WNK3: variants seen among roughly 807,000 people sequenced by gnomAD.
The protein encoded by WNK3 is WNK lysine deficient protein kinase 3, also known as serine/threonine-protein kinase WNK3.
WNK3 carries 18 observed loss-of-function variants against 116.7 expected under a neutral mutation model. The observed-to-expected ratio is 0.15, with a 90% CI of 0.11 to 0.23. The LOEUF is 0.23. WNK3 is among the 10% of genes least tolerant of loss of function. The pLI is 1.00. For missense variants in WNK3, 993 were observed against 1,323.8 expected, an observed-to-expected ratio of 0.75 and a Z score of 3.88; for synonymous variants, 404 against 469.4, an observed-to-expected ratio of 0.86 and a Z score of 1.80.
chrX:54,279,545 CAGA>C (rs1417076758), intron 10 of WNK3, among the ~76,000 whole-genome samples: 1 of 111,280 alleles, frequency 9.0e-6, no homozygotes, highest in Admixed American at 9.6e-5. Context: ...GCCTGGGCTA[CAGA>C]AGGACATCCT....
In WNK3 at chrX:54,213,015, C is replaced by G. The variant is rs138931190; in HGVS notation, c.4871-10822G>C. On this transcript the variant is annotated intron_variant, in intron 22 of 23. Coordinates refer to ENST00000354646, the Ensembl canonical transcript of WNK3. Reference sequence around the variant, plus strand: ...TGTGAAAAAGGGTCTCACTCCGTCACCCAGGATGGAGTGCAGTGGTGCAAT... The same window carrying G: ...TGTGAAAAAGGGTCTCACTCCGTCAGCCAGGATGGAGTGCAGTGGTGCAAT... Among the ~76,000 whole-genome samples the G allele has an allele frequency of 6.7e-3, 745 of 110,659 alleles. 5 individuals carry two copies. The highest frequency in any genetic ancestry group is 0.014 in the Middle Eastern group (3 of 216).
intron 18 of WNK3, 41 bp from the exon 19 acceptor site, chrX:54,238,513 G>A: frequency 8.5e-7 from 1 of 1,171,534 alleles, no homozygotes; most frequent in East Asian, 3.0e-5. Context: ...AGAGAAAATT[G>A]TTTGTTAAGA....
intron 1 of WNK3, among the ~76,000 whole-genome samples, chrX:54,337,120 C>T (rs1211739679): frequency 2.7e-5 from 3 of 111,439 alleles, no homozygotes; most frequent in African/African-American, 9.8e-5. Flanking sequence ...AAATGTTAAA[C>T]ATTTTAGGTG....
At chrX:54,342,672 T>C (rs782324816) in intron 1 of WNK3, among the ~76,000 whole-genome samples, 2 of 110,033 alleles carry the variant, frequency 1.8e-5, no homozygotes, top group South Asian at 4.0e-4. Flanking sequence ...CCTCATTGTG[T>C]CCACTCTCAT....
chrX:54,282,501 G>GACAAT (rs1480182041), intron 10 of WNK3, among the ~76,000 whole-genome samples: 1 of 111,451 alleles, frequency 9.0e-6, no homozygotes, highest in East Asian at 2.8e-4. Flanking sequence ...ATTACTAAGA[G>GACAAT]ACAATACTAC....
chrX:54,215,318 G>C (rs1418362889), intron 22 of WNK3, among the ~76,000 whole-genome samples: 1 of 110,966 alleles, frequency 9.0e-6, no homozygotes, highest in Non-Finnish European at 1.9e-5. Flanking sequence ...AGCCTGCCGA[G>C]TGCCTGGGAT....
At chrX:54,239,473 A>T (rs1388737441) in intron 17 of WNK3, among the ~76,000 whole-genome samples, 2 of 111,306 alleles carry the variant, frequency 1.8e-5, no homozygotes, top group Non-Finnish European at 3.8e-5. Flanking sequence ...CCAGTTTACT[A>T]AAAAGGTTAC....
intron 1 of WNK3, among the ~76,000 whole-genome samples, chrX:54,336,584 G>A (rs1384372558): frequency 1.8e-5 from 2 of 111,045 alleles, no homozygotes; most frequent in Non-Finnish European, 3.8e-5. Flanking sequence ...TGTATGAGTG[G>A]TATCATGAGC....
At chrX:54,310,175 A>G (rs1246979659) in intron 3 of WNK3, among the ~76,000 whole-genome samples, 2 of 108,903 alleles carry the variant, frequency 1.8e-5, no homozygotes, top group African/African-American at 6.6e-5. Flanking sequence ...ATAATACTAT[A>G]ATATCATAAT....
intron 1 of WNK3, among the ~76,000 whole-genome samples, chrX:54,349,623 C>T (rs111273982): frequency 0.022 from 2,500 of 111,861 alleles, 71 homozygotes; most frequent in African/African-American, 0.078. Flanking sequence ...ACAAGCTGAT[C>T]CTCTAAAGAG....
intron 10 of WNK3, among the ~76,000 whole-genome samples, chrX:54,288,724 G>A (rs2068607097): frequency 9.0e-6 from 1 of 111,277 alleles, no homozygotes; most frequent in African/African-American, 3.3e-5. Flanking sequence ...GCTGAAAGCT[G>A]GACATTAAAT....
chrX:54,194,997 G>A (rs1028597358), exon 24 of WNK3: 1 of 111,480 alleles, frequency 9.0e-6, no homozygotes, highest in South Asian at 3.7e-4. Flanking sequence ...AGGAAGGGAT[G>A]AAAAACAGAA....
intron 2 of WNK3, among the ~76,000 whole-genome samples, chrX:54,322,730 C>T (rs1166588472): frequency 1.8e-5 from 2 of 111,516 alleles, no homozygotes; most frequent in Non-Finnish European, 3.8e-5. Context: ...ACTAATAATC[C>T]TTATCTCATA....
chrX:54,198,118 G>T (rs1030467467), exon 24 of WNK3: 1 of 320,685 alleles, frequency 3.1e-6, no homozygotes. Flanking sequence ...AAACATTTCT[G>T]TGTGCAGTGT....
chrX:54,234,943 T>C (rs2067946142), intron 20 of WNK3, among the ~76,000 whole-genome samples: 1 of 111,990 alleles, frequency 8.9e-6, no homozygotes, highest in South Asian at 3.6e-4. Context: ...AGTGTACATA[T>C]ACTGTATAGT....
At chrX:54,224,820 C>T (rs1001487313) in intron 22 of WNK3, among the ~76,000 whole-genome samples, 1 of 110,827 alleles carries the variant, frequency 9.0e-6, no homozygotes, top group South Asian at 3.9e-4. Flanking sequence ...CCGCCCACCT[C>T]GGCCTCCCAA....
chrX:54,304,715 G>A (rs113975157), intron 5 of WNK3, among the ~76,000 whole-genome samples: 1,382 of 111,437 alleles, frequency 0.012, 21 homozygotes, highest in African/African-American at 0.043. Flanking sequence ...GGTAGGGTGT[G>A]CATGAGCTGG....
intron 1 of WNK3, among the ~76,000 whole-genome samples, chrX:54,334,818 T>C (rs1336938312): frequency 8.9e-6 from 1 of 112,286 alleles, no homozygotes; most frequent in African/African-American, 3.2e-5. Context: ...CAATTCTACT[T>C]ATAGGAACTT....
intron 7 of WNK3, among the ~76,000 whole-genome samples, chrX:54,295,716 C>T (rs2068691093): frequency 9.1e-6 from 1 of 109,454 alleles, no homozygotes; most frequent in Non-Finnish European, 1.9e-5. Flanking sequence ...GAGACAGGTT[C>T]TCACTCTGTT....
Sources: allele counts gnomAD v4.1 joint callset (sites outside exome capture counted in the v4.1 genomes callset), GRCh38; gene constraint gnomAD v4.1.1; transcripts MANE v1.5; gene names NCBI Gene and HGNC (gene_info 2026-07-23, HGNC 2026-07-21).